CLIC5: variants seen among roughly 807,000 people sequenced by gnomAD.
The protein encoded by CLIC5 is CLIC family member 5.
In CLIC5, 20 loss-of-function variants were observed where a neutral mutation model predicts 24.7. The ratio of observed to expected loss-of-function variants is 0.81; its 90% CI spans 0.57 to 1.18. The LOEUF is 1.18. CLIC5 is among the 50% of genes most tolerant of loss of function. The pLI is 0.00. For synonymous variants in CLIC5, 159 were observed against 135.6 expected (o/e 1.17, Z -1.20); for missense variants, 341 against 326.1 (o/e 1.05, Z -0.35).
At chr6:46,125,340 A>T in the CLIC5 span, among the ~76,000 whole-genome samples, 2 of 151,908 alleles carry the variant, frequency 1.3e-5, no homozygotes, top group Non-Finnish European at 2.9e-5. Context: ...AAAACCAAAC[A>T]CCGCATGTTC....
rs60969238 is a variant in CLIC5 at position 45,936,196 on chromosome 6, C to CTTT, written c.406+5348_406+5350dup. Among the ~76,000 whole-genome samples, 263 of 80,282 alleles carry CTTT rather than the reference C, an allele frequency of 3.3e-3. 2 individuals are homozygous for CTTT. The highest frequency in any genetic ancestry group is 3.8e-3 in the Non-Finnish European group (167 of 43,890). The allele number at this position is 80,282 out of a possible 152,430, so 52.7% of individuals were successfully genotyped here. A position where few individuals can be genotyped will look rare whatever the true frequency, so the allele number is the denominator to read the frequency against. ...GATAACTGCTCAGAACAACGGCTGA[C>CTTT]TTTTTTTTTTTTTTTTTTTTTTTTT... On this transcript the variant is annotated intron_variant, in intron 4 of 5. Transcript: ENST00000339561.
At chr6:46,012,698 C>T (rs775449429) in intron 1 of CLIC5, among the ~76,000 whole-genome samples, 1 of 152,178 alleles carries the variant, frequency 6.6e-6, no homozygotes, top group Non-Finnish European at 1.5e-5. Flanking sequence ...TGCCATCTAC[C>T]TTTGGGCATT....
At chr6:45,938,535 G>A (rs1764019984) in intron 4 of CLIC5, among the ~76,000 whole-genome samples, 2 of 152,150 alleles carry the variant, frequency 1.3e-5, no homozygotes, top group Non-Finnish European at 2.9e-5. Context: ...CAATGTTGGA[G>A]CTTTGAAATG....
At chr6:45,986,965 C>T (rs1765765345) in intron 1 of CLIC5, among the ~76,000 whole-genome samples, 1 of 152,174 alleles carries the variant, frequency 6.6e-6, no homozygotes, top group Non-Finnish European at 1.5e-5. Flanking sequence ...AGTCATTTTC[C>T]ATGAACTACT....
chr6:46,095,224 G>T, the CLIC5 span, among the ~76,000 whole-genome samples: 9 of 152,178 alleles, frequency 5.9e-5, no homozygotes, highest in Admixed American at 4.6e-4. Context: ...TGCCATAAAG[G>T]TCTCTGAAAT....
intron 1 of CLIC5, among the ~76,000 whole-genome samples, chr6:45,993,099 ACT>A (rs1481997362): frequency 5.9e-5 from 9 of 152,168 alleles, no homozygotes; most frequent in African/African-American, 2.2e-4. Context: ...CAATTAGAAA[ACT>A]GGAAAACTCC....
chr6:46,081,630 T>C (rs1762921437), upstream of CLIC5, among the ~76,000 whole-genome samples: 4 of 152,238 alleles, frequency 2.6e-5, no homozygotes, highest in Admixed American at 2.6e-4. Context: ...TGATAGGTTC[T>C]ATAATCAGGT....
intron 5 of CLIC5, among the ~76,000 whole-genome samples, chr6:45,904,033 T>C (rs1762582358): frequency 6.6e-6 from 1 of 152,168 alleles, no homozygotes; most frequent in African/African-American, 2.4e-5. Context: ...TGGAGAGTTC[T>C]GGAGAAGTGG....
chr6:45,958,582 C>T (rs1764745035), intron 1 of CLIC5, among the ~76,000 whole-genome samples: 1 of 150,398 alleles, frequency 6.6e-6, no homozygotes, highest in Non-Finnish European at 1.5e-5. Flanking sequence ...TATATAACAA[C>T]TTATTATAAA....
At chr6:46,036,408 T>C (rs1284530868) in intron 1 of CLIC5, among the ~76,000 whole-genome samples, 1 of 149,342 alleles carries the variant, frequency 6.7e-6, no homozygotes, top group Non-Finnish European at 1.5e-5. Flanking sequence ...CCTCCCAGGT[T>C]CACACCATTC....
At chr6:45,942,513 G>T (rs1288303697) in intron 3 of CLIC5, among the ~76,000 whole-genome samples, 1 of 152,218 alleles carries the variant, frequency 6.6e-6, no homozygotes, top group Admixed American at 6.5e-5. Flanking sequence ...TGGCCAGGTA[G>T]TGGTGGGAAG....
In CLIC5 at chr6:45,994,632, T is replaced by C. The variant is rs9463160; in HGVS notation, c.63+20848A>G. Among the ~76,000 whole-genome samples, 762 of 151,988 alleles carry C rather than the reference T, an allele frequency of 5.0e-3. 5 individuals are homozygous for C. Among genetic ancestry groups the C allele is most frequent in the African/African-American group, 0.018 (733 of 41,426 alleles). Reference sequence around the variant, plus strand: ...TTAAAGTAAAAAATAAAAATAAAAATAAAAAATTGGGCATGTATTACCCAA... The same window carrying C: ...TTAAAGTAAAAAATAAAAATAAAAACAAAAAATTGGGCATGTATTACCCAA... On this transcript the variant is annotated intron_variant, in intron 1 of 5. Coordinates refer to ENST00000339561, the MANE Select transcript of CLIC5 (RefSeq NM_016929.5).
chr6:46,118,023 G>T, the CLIC5 span, among the ~76,000 whole-genome samples: 61 of 152,116 alleles, frequency 4.0e-4, no homozygotes, highest in Non-Finnish European at 1.5e-4. Context: ...TGCCTCCTGT[G>T]CATCTCTATT....
chr6:46,106,039 T>C, the CLIC5 span, among the ~76,000 whole-genome samples: 1 of 152,194 alleles, frequency 6.6e-6, no homozygotes, highest in African/African-American at 2.4e-5. Context: ...TTAGGGGCAA[T>C]GTCTTTGTAA....
At chr6:46,045,015 C>A (rs1767916516) in intron 1 of CLIC5, among the ~76,000 whole-genome samples, 1 of 152,108 alleles carries the variant, frequency 6.6e-6, no homozygotes, top group Non-Finnish European at 1.5e-5. Flanking sequence ...ATAAATAAAT[C>A]ATTCTTAGCT....
In CLIC5 at chr6:46,071,691, A is replaced by C. The variant is rs551927423; in HGVS notation, c.540+8012T>G. Among the ~76,000 whole-genome samples the C allele has an allele frequency of 3.0e-4, 46 of 152,190 alleles. No homozygotes were observed. The South Asian group carries it at 9.6e-3, about 32-fold the overall frequency. Reference sequence around the variant, plus strand: ...GCAGTGTGGTGGTGATTCCTCAGAGACCTAAAAACAGAATGACCCTTCTAC... The same window carrying C: ...GCAGTGTGGTGGTGATTCCTCAGAGCCCTAAAAACAGAATGACCCTTCTAC... On this transcript the variant is annotated intron_variant, in intron 1 of 5. Coordinates refer to the CLIC5 transcript ENST00000185206.
intron 5 of CLIC5, among the ~76,000 whole-genome samples, chr6:45,904,582 G>A (rs1408856861): frequency 1.0e-5 from 1 of 100,038 alleles, no homozygotes; most frequent in Non-Finnish European, 1.9e-5. Context: ...TTCCAGGCTA[G>A]GCTAGGGTAG....
chr6:45,913,758 G>A (rs1459263100), intron 5 of CLIC5: 4 of 1,229,510 alleles, frequency 3.3e-6, no homozygotes, highest in Non-Finnish European at 4.1e-6. Context: ...TGATAGATGA[G>A]GAAAATAATG....
At chr6:45,979,280 G>A (rs914070185) in intron 1 of CLIC5, among the ~76,000 whole-genome samples, 1 of 152,174 alleles carries the variant, frequency 6.6e-6, no homozygotes, top group African/African-American at 2.4e-5. Flanking sequence ...AGGGGAAGGG[G>A]CATTTCCTCC....
Sources: allele counts gnomAD v4.1 joint callset (sites outside exome capture counted in the v4.1 genomes callset), GRCh38; gene constraint gnomAD v4.1.1; transcripts MANE v1.5; gene names NCBI Gene and HGNC (gene_info 2026-07-23, HGNC 2026-07-21).